The following GDAP1 variants were observed in gnomAD, a reference collection of about 807,000 sequenced individuals.
The protein encoded by GDAP1 is ganglioside induced differentiation associated protein 1.
In GDAP1, 34 loss-of-function variants were observed where a neutral mutation model predicts 40.1. The ratio of observed to expected loss-of-function variants is 0.85; its 90% CI spans 0.64 to 1.13. The LOEUF is 1.13. GDAP1 is among the 50% of genes most tolerant of loss of function. GDAP1 has a pLI of 0.00. For synonymous variants in GDAP1, 170 were observed against 157.4 expected (o/e 1.08, Z -0.60); for missense variants, 374 against 433.7 (o/e 0.86, Z 1.22).
chr8:74,353,944 T>C (rs1808989756), intron 2 of GDAP1, among the ~76,000 whole-genome samples: 1 of 152,180 alleles, frequency 6.6e-6, no homozygotes, highest in African/African-American at 2.4e-5. Flanking sequence ...TGCTGGAGAA[T>C]GTCCCTAACA....
intron 2 of GDAP1, among the ~76,000 whole-genome samples, chr8:74,391,768 A>G (rs2131543374): frequency 6.6e-6 from 1 of 152,256 alleles, no homozygotes; most frequent in African/African-American, 2.4e-5. Context: ...CAAAATATAT[A>G]AAGGTACATC....
At chr8:74,406,164 C>T (rs183531978) in intron 2 of GDAP1, among the ~76,000 whole-genome samples, 3 of 150,264 alleles carry the variant, frequency 2.0e-5, no homozygotes, top group Admixed American at 2.0e-4. Flanking sequence ...TAGTTTAAAT[C>T]CTGTTTTTAA....
chr8:74,382,584 C>CT (rs778744539), intron 2 of GDAP1, among the ~76,000 whole-genome samples: 3 of 151,932 alleles, frequency 2.0e-5, no homozygotes, highest in Non-Finnish European at 4.4e-5. Flanking sequence ...ATTTATCATC[C>CT]TTTTTTTCAT....
chr8:74,385,887 G>A (rs974022842), intron 2 of GDAP1, among the ~76,000 whole-genome samples: 1 of 152,072 alleles, frequency 6.6e-6, no homozygotes, highest in South Asian at 2.1e-4. Flanking sequence ...ATTCTAATTG[G>A]TGTGAGATGG....
chr8:74,405,376 G>A lies in GDAP1; in HGVS notation c.165+54055G>A, dbSNP rs141908492. On this transcript the variant is annotated intron_variant, in intron 2 of 2. Transcript: ENST00000523640. ...TCATTATGTAAATAGTTATTATACT[G>A]TATTGTTTAGGGAATAATGACAAGA... 8.0e-5 allele frequency among the ~76,000 whole-genome samples: 12 copies of A among 150,298 alleles called. No homozygotes were observed. In the East Asian group the frequency reaches 2.3e-3, roughly 29 times the overall value.
chr8:74,435,038 A>G (rs536757067), intron 2 of GDAP1, among the ~76,000 whole-genome samples: 1 of 152,226 alleles, frequency 6.6e-6, no homozygotes, highest in African/African-American at 2.4e-5. Flanking sequence ...AATGGCAGCC[A>G]CATGTTTTGC....
intron 2 of GDAP1, among the ~76,000 whole-genome samples, chr8:74,413,508 TAGAA>T (rs71269991): frequency 1.7e-4 from 25 of 149,788 alleles, no homozygotes; most frequent in South Asian, 8.3e-4. Context: ...TACTGAGAAT[TAGAA>T]AGGAATATTT....
At chr8:74,360,415 G>A (rs1809308280) in intron 3 of GDAP1, 105 bp downstream of exon 3, 14 of 990,764 alleles carry the variant, frequency 1.4e-5, no homozygotes, top group Non-Finnish European at 2.3e-5. Context: ...TGGGAATAGG[G>A]TTGTTGAGTT....
chr8:74,439,407 A>T (rs1406495144), intron 2 of GDAP1, among the ~76,000 whole-genome samples: 1 of 152,058 alleles, frequency 6.6e-6, no homozygotes, highest in African/African-American at 2.4e-5. Context: ...GTCATCTGCC[A>T]AATTTTCGTA....
At chr8:74,446,585 G>C (rs1806229737) in intron 2 of GDAP1, among the ~76,000 whole-genome samples, 1 of 152,136 alleles carries the variant, frequency 6.6e-6, no homozygotes. Context: ...CATTTTTCAA[G>C]TCATAATTTT....
At position 74,459,671 on chromosome 8, in the gene GDAP1, A is replaced by T. The variant is rs560083156; in HGVS notation, c.166-29007A>T. Among the ~76,000 whole-genome samples, 23 of 152,372 alleles carry T rather than the reference A, an allele frequency of 1.5e-4. 2 individuals carry two copies. The South Asian group carries it at 4.8e-3, about 32-fold the overall frequency. Reference sequence around the variant, plus strand: ...TGAGTGAGAAAAGGAATAACAAATTATACATTGAAAAGTACAATTGTCTTC... The same window carrying T: ...TGAGTGAGAAAAGGAATAACAAATTTTACATTGAAAAGTACAATTGTCTTC... On this transcript the variant is annotated intron_variant, in intron 2 of 2. Transcript: ENST00000523640.
intron 2 of GDAP1, among the ~76,000 whole-genome samples, chr8:74,358,710 A>C (rs1283555634): frequency 6.6e-6 from 1 of 152,176 alleles, no homozygotes; most frequent in Non-Finnish European, 1.5e-5. Context: ...TCCCCCAAAC[A>C]TGTTTTAGGA....
intron 2 of GDAP1, among the ~76,000 whole-genome samples, chr8:74,408,534 G>T (rs1480595911): frequency 6.7e-6 from 1 of 150,008 alleles, no homozygotes; most frequent in South Asian, 2.1e-4. Context: ...AGGACTTAAT[G>T]AAAAGGCACC....
intron 2 of GDAP1, among the ~76,000 whole-genome samples, chr8:74,378,054 G>C (rs556990618): frequency 6.6e-6 from 1 of 152,330 alleles, no homozygotes; most frequent in East Asian, 1.9e-4. Flanking sequence ...ATGGCCATCA[G>C]TGGCCCAGAG....
chr8:74,361,602 G>A (rs1809367300), intron 3 of GDAP1, among the ~76,000 whole-genome samples: 1 of 152,008 alleles, frequency 6.6e-6, no homozygotes, highest in African/African-American at 2.4e-5. Context: ...TCACCACGTT[G>A]GCCAAGATGG....
At chr8:74,470,703 G>A (rs1413412947) in intron 2 of GDAP1, among the ~76,000 whole-genome samples, 4 of 152,130 alleles carry the variant, frequency 2.6e-5, no homozygotes, top group Non-Finnish European at 4.4e-5. Context: ...GAATAGTGCC[G>A]CAATAAACAT....
intron 2 of GDAP1, 45 bp downstream of exon 2, chr8:74,351,511 C>G: frequency 7.8e-7 from 1 of 1,286,144 alleles, no homozygotes; most frequent in Non-Finnish European, 1.1e-6. Flanking sequence ...ACTTTCAACA[C>G]AACTATGTGT....
chr8:74,394,768 A>G (rs1810168094), intron 2 of GDAP1, among the ~76,000 whole-genome samples: 1 of 152,124 alleles, frequency 6.6e-6, no homozygotes, highest in Non-Finnish European at 1.5e-5. Context: ...ATTAGGAATG[A>G]TACTGCTGGT....
At chr8:74,388,105 T>G (rs955695776) in intron 2 of GDAP1, among the ~76,000 whole-genome samples, 5 of 152,226 alleles carry the variant, frequency 3.3e-5, no homozygotes, top group Non-Finnish European at 5.9e-5. Context: ...ATCTATTTTG[T>G]TAATCTTTTC....
Sources: allele counts gnomAD v4.1 joint callset (sites outside exome capture counted in the v4.1 genomes callset), GRCh38; gene constraint gnomAD v4.1.1; transcripts MANE v1.5; gene names NCBI Gene and HGNC (gene_info 2026-07-23, HGNC 2026-07-21).